The following SPOCK3 variants were observed in gnomAD, a reference collection of about 807,000 sequenced individuals.
The protein encoded by SPOCK3 is SPARC (osteonectin), cwcv and kazal like domains proteoglycan 3, also known as testican-3.
SPOCK3 carries 30 observed loss-of-function variants against 56.6 expected under a neutral mutation model. The observed-to-expected ratio is 0.53, with a 90% CI of 0.40 to 0.72. The LOEUF (loss-of-function observed/expected upper bound fraction) is 0.72. Among genes scored for constraint, SPOCK3 ranks in the 30% least tolerant of loss-of-function variants. SPOCK3 has a pLI of 0.00. For missense variants in SPOCK3, 527 were observed against 530.0 expected (o/e 0.99, Z 0.06); for synonymous variants, 196 against 183.3 (o/e 1.07, Z -0.56).
intron 2 of SPOCK3, among the ~76,000 whole-genome samples, chr4:167,111,140 TGTATA>T (rs1760869212): frequency 6.6e-6 from 1 of 152,046 alleles, no homozygotes; most frequent in African/African-American, 2.4e-5. Context: ...ACTATATATT[TGTATA>T]TATAGCCTAT....
At chr4:166,874,301 G>C (rs72986050) in intron 6 of SPOCK3, among the ~76,000 whole-genome samples, 7,977 of 152,092 alleles carry the variant, frequency 0.052, 625 homozygotes, top group African/African-American at 0.17. Flanking sequence ...AAGTTCTTGT[G>C]AACAACAATC....
chr4:167,144,906 G>A (rs1163240495), intron 2 of SPOCK3, among the ~76,000 whole-genome samples: 1 of 151,754 alleles, frequency 6.6e-6, no homozygotes, highest in Non-Finnish European at 1.5e-5. Context: ...GAGAACCATT[G>A]GAGGGTTTAA....
chr4:167,154,351 G>A (rs751596789), intron 2 of SPOCK3, among the ~76,000 whole-genome samples: 27 of 152,142 alleles, frequency 1.8e-4, no homozygotes, highest in Non-Finnish European at 3.5e-4. Flanking sequence ...TTTGGGACCA[G>A]GATTACGGTC....
intron 6 of SPOCK3, among the ~76,000 whole-genome samples, chr4:166,877,223 T>C (rs552254998): frequency 6.6e-6 from 1 of 152,184 alleles, no homozygotes; most frequent in Admixed American, 6.5e-5. Context: ...TATTCTCCTA[T>C]AGAAACCAAA....
rs527348687 is a variant in SPOCK3 at position 166,958,225 on chromosome 4, C to T, written c.350+42124G>A. Among the ~76,000 whole-genome samples the T allele has an allele frequency of 1.3e-3, 195 of 152,236 alleles. 1 individual carries two copies. In the Middle Eastern group the frequency reaches 0.037, roughly 29 times the overall value. On this transcript the variant is annotated intron_variant, in intron 4 of 10. Transcript: ENST00000357545. The stretch of plus-strand genomic sequence containing the variant: ...GCTGTTTAAAAGTGTATGCATCTTC[C>T]AGCTTTGCTCTCTTGATCCTGCTTT...
chr4:167,228,863 A>G (rs1736853076), intron 2 of SPOCK3, among the ~76,000 whole-genome samples: 1 of 152,148 alleles, frequency 6.6e-6, no homozygotes, highest in South Asian at 2.1e-4. Flanking sequence ...TAATAGTCCA[A>G]TAAAAATATT....
intron 2 of SPOCK3, among the ~76,000 whole-genome samples, chr4:167,229,267 C>T (rs1736908203): frequency 6.6e-6 from 1 of 152,018 alleles, no homozygotes; most frequent in South Asian, 2.1e-4. Flanking sequence ...AGTATAATAG[C>T]ACAACTTTGT....
intron 6 of SPOCK3, among the ~76,000 whole-genome samples, chr4:166,836,038 C>T (rs1746581902): frequency 6.6e-6 from 1 of 152,160 alleles, no homozygotes; most frequent in African/African-American, 2.4e-5. Flanking sequence ...TTCTGTTTTA[C>T]TATTGAAACC....
intron 9 of SPOCK3, among the ~76,000 whole-genome samples, chr4:166,740,519 TATTATTATTATC>T (rs200337088): frequency 0.45 from 42,430 of 94,486 alleles, 6,436 homozygotes; most frequent in Admixed American, 0.49. Context: ...TTATTATTAT[TATTATTATTATC>T]ATTATTATTT....
intron 2 of SPOCK3, among the ~76,000 whole-genome samples, chr4:167,081,499 T>G (rs1437396849): frequency 6.6e-6 from 1 of 152,034 alleles, no homozygotes; most frequent in Admixed American, 6.6e-5. Context: ...GTGTAGTTAA[T>G]ATGAAATAAA....
intron 2 of SPOCK3, among the ~76,000 whole-genome samples, chr4:167,170,583 GCA>G (rs978484472): frequency 6.6e-6 from 1 of 152,112 alleles, no homozygotes; most frequent in African/African-American, 2.4e-5. Flanking sequence ...GAAGACCAAA[GCA>G]CACACGAGTC....
rs183529351 is a variant in SPOCK3 at position 166,872,018 on chromosome 4, C to T, written c.589+17112G>A. 1.6e-3 allele frequency among the ~76,000 whole-genome samples: 241 copies of T among 146,886 alleles called. 2 individuals carry two copies. The highest frequency in any genetic ancestry group is 5.5e-3 in the African/African-American group (222 of 40,312). ...AGGTATAAAGAAAAACTTTCTCTAT[C>T]TAATAAAGGGCACACACACACACAA... On this transcript the variant is annotated intron_variant, in intron 6 of 10. Transcript: ENST00000357545.
At chr4:167,006,593 C>T (rs1258195371) in intron 3 of SPOCK3, among the ~76,000 whole-genome samples, 3 of 152,064 alleles carry the variant, frequency 2.0e-5, no homozygotes, top group Admixed American at 6.6e-5. Flanking sequence ...CGATAATTCG[C>T]CTACCCAGAA....
rs142727138 is a variant in SPOCK3 at position 167,061,914 on chromosome 4, T to C, written c.235+578A>G. 2.2e-4 allele frequency among the ~76,000 whole-genome samples: 33 copies of C among 152,052 alleles called. No individual in the cohort carries two copies. The East Asian group carries it at 6.4e-3, about 29-fold the overall frequency. On this transcript the variant is annotated intron_variant, in intron 3 of 10. Transcript: ENST00000357545. The stretch of plus-strand genomic sequence containing the variant: ...TTGGGGCTTGATGTGTCCATTCTCA[T>C]TGCACATGTAGAAGTATTTTCATTT...
intron 5 of SPOCK3, among the ~76,000 whole-genome samples, chr4:166,908,203 CT>C (rs1736836241): frequency 6.6e-6 from 1 of 151,132 alleles, no homozygotes; most frequent in South Asian, 2.1e-4. Context: ...CATGTTGAAA[CT>C]TAAAATAGAA....
chr4:167,204,774 G>A (rs961776127), intron 2 of SPOCK3, among the ~76,000 whole-genome samples: 1 of 151,494 alleles, frequency 6.6e-6, no homozygotes, highest in Non-Finnish European at 1.5e-5. Flanking sequence ...TTTTCGGGGT[G>A]GGGGGCGACG....
At chr4:167,225,085 T>C (rs1177690264) in intron 2 of SPOCK3, among the ~76,000 whole-genome samples, 1 of 152,208 alleles carries the variant, frequency 6.6e-6, no homozygotes, top group Non-Finnish European at 1.5e-5. Context: ...AGAGTGATAA[T>C]ATGGCTTAAA....
chr4:166,766,637 G>A (rs1194399326), intron 7 of SPOCK3, among the ~76,000 whole-genome samples: 1 of 152,172 alleles, frequency 6.6e-6, no homozygotes, highest in Non-Finnish European at 1.5e-5. Context: ...AGCGATATTG[G>A]TCTAAAATTC....
At chr4:166,975,354 A>T (rs938548511) in intron 4 of SPOCK3, among the ~76,000 whole-genome samples, 9 of 152,146 alleles carry the variant, frequency 5.9e-5, no homozygotes, top group African/African-American at 1.2e-4. Flanking sequence ...CTTTTAAAAA[A>T]TTTTTAATGT....
Sources: gnomAD v4.1 joint callset for allele counts (sites outside exome capture counted in the v4.1 genomes callset) on GRCh38, gnomAD v4.1.1 for gene constraint, MANE v1.5 for transcripts, NCBI Gene and HGNC (gene_info 2026-07-23, HGNC 2026-07-21) for gene names.